Variants in NRG3 observed in about 807,000 individuals in gnomAD.
NRG3 encodes the protein pro-neuregulin-3, membrane-bound isoform.
A neutral mutation model predicts 66.9 loss-of-function variants in NRG3; 31 were observed. That is an observed-to-expected ratio of 0.46 (90% confidence interval 0.35 to 0.63). The LOEUF (loss-of-function observed/expected upper bound fraction) is 0.63. Among genes scored for constraint, NRG3 ranks in the 20% least tolerant of loss-of-function variants. NRG3 has a pLI of 0.00. For missense variants in NRG3, 910 were observed against 878.9 expected (o/e 1.04, Z -0.45); for synonymous variants, 393 against 359.4 (o/e 1.09, Z -1.06).
chr10:82,230,425 C>T (rs535267967), intron 1 of NRG3: 68 of 152,198 alleles, frequency 4.5e-4, no homozygotes, highest in African/African-American at 1.6e-3. Flanking sequence ...AGTAACATTC[C>T]ACATTAGGAA....
intron 1 of NRG3, among the ~76,000 whole-genome samples, chr10:81,930,996 C>G (rs943013711): frequency 1.1e-4 from 17 of 152,146 alleles, no homozygotes; most frequent in African/African-American, 3.9e-4. Flanking sequence ...ATTGTTCAAG[C>G]TGGTTAAACT....
intron 1 of NRG3, among the ~76,000 whole-genome samples, chr10:82,055,730 G>A (rs1412861690): frequency 3.9e-5 from 6 of 152,110 alleles, no homozygotes; most frequent in Admixed American, 2.6e-4. Context: ...TTTGTAAAGC[G>A]ATGAAAAATT....
intron 2 of NRG3, among the ~76,000 whole-genome samples, chr10:82,636,720 T>A (rs957613516): frequency 6.6e-5 from 10 of 152,156 alleles, no homozygotes; most frequent in Non-Finnish European, 1.0e-4. Context: ...CATGGAGATA[T>A]CTTTATGAGG....
rs1259297077 is a variant in NRG3, at chr10:82,238,911, C to CATATATATATATATATATAT, written c.824-119828_824-119827insATATATATATATATATATAT. On this transcript the variant is annotated intron_variant, in intron 1 of 8. Coordinates refer to ENST00000372141, the MANE Select transcript of NRG3 (RefSeq NM_001010848.4). ...TTAGTGCATTATTTTTAGGTTATAC[C>CATATATATATATATATATAT]GTATATATATATATATAATATTTAT... Among the ~76,000 whole-genome samples, 177 of 87,888 alleles carry CATATATATATATATATATAT rather than the reference C, an allele frequency of 2.0e-3. 1 individual carries two copies. Among genetic ancestry groups the CATATATATATATATATATAT allele is most frequent in the African/African-American group, 7.5e-3 (173 of 22,940 alleles). The allele number at this position is 87,888 out of a possible 152,430, so 57.7% of individuals were successfully genotyped here. A position where few individuals can be genotyped will look rare whatever the true frequency, so the allele number is the denominator to read the frequency against.
chr10:82,673,420 A>G (rs2053443372), intron 2 of NRG3, among the ~76,000 whole-genome samples: 1 of 152,226 alleles, frequency 6.6e-6, no homozygotes, highest in Non-Finnish European at 1.5e-5. Flanking sequence ...ATTTATATCA[A>G]TTAGCCTATA....
chr10:82,280,438 C>T (rs976102972), intron 1 of NRG3, among the ~76,000 whole-genome samples: 14 of 152,092 alleles, frequency 9.2e-5, no homozygotes, highest in African/African-American at 3.4e-4. Context: ...AAGACTTTGT[C>T]CTAAATGCTT....
rs1018213444 is a variant in NRG3, at chr10:82,865,328, A to G, written c.1028-83A>G. Reference sequence around the variant, plus strand: ...CTTGCCTTGGAGGGTTAGTCTTATGAGCACTGATTTCCATGTATAGAGCTT... The same window carrying G: ...CTTGCCTTGGAGGGTTAGTCTTATGGGCACTGATTTCCATGTATAGAGCTT... On this transcript the variant is annotated intron_variant, in intron 3 of 8. Coordinates refer to ENST00000372141, the MANE Select transcript of NRG3 (RefSeq NM_001010848.4). 7.0e-5 allele frequency: 100 copies of G among 1,418,442 alleles called. No individual in the cohort carries two copies. The Middle Eastern group carries it at 7.1e-4, about 10-fold the overall frequency. The allele number at this position is 1,418,442 out of a possible 1,614,324, so 87.9% of individuals were successfully genotyped here.
chr10:82,425,687 C>T (rs2136275517), intron 2 of NRG3, among the ~76,000 whole-genome samples: 1 of 152,172 alleles, frequency 6.6e-6, no homozygotes, highest in South Asian at 2.1e-4. Flanking sequence ...GAACTGAGAA[C>T]ATTAGTCTTT....
intron 2 of NRG3, among the ~76,000 whole-genome samples, chr10:82,598,612 G>A (rs1195380352): frequency 6.6e-6 from 1 of 152,210 alleles, no homozygotes; most frequent in Non-Finnish European, 1.5e-5. Flanking sequence ...AGGGATAGAA[G>A]GATGGAGTGA....
chr10:82,507,267 C>T (rs1349228061), intron 2 of NRG3, among the ~76,000 whole-genome samples: 1 of 152,160 alleles, frequency 6.6e-6, no homozygotes, highest in African/African-American at 2.4e-5. Context: ...CAGTGTAAAG[C>T]TCCATGCCTG....
chr10:82,247,535 T>C (rs1280726747), intron 1 of NRG3, among the ~76,000 whole-genome samples: 1 of 152,142 alleles, frequency 6.6e-6, no homozygotes, highest in Non-Finnish European at 1.5e-5. Flanking sequence ...TTTCAACATA[T>C]GGGTTTGGAG....
chr10:82,441,018 A>G (rs1047224120), intron 2 of NRG3, among the ~76,000 whole-genome samples: 16 of 152,254 alleles, frequency 1.1e-4, no homozygotes, highest in African/African-American at 3.9e-4. Context: ...ATATAAATAC[A>G]TAACAAATCC....
intron 1 of NRG3, among the ~76,000 whole-genome samples, chr10:82,219,236 C>T (rs1285438650): frequency 1.4e-5 from 2 of 146,852 alleles, no homozygotes; most frequent in Non-Finnish European, 3.0e-5. Context: ...TGGGTGTGGG[C>T]CGCCCTGGCA....
intron 1 of NRG3, among the ~76,000 whole-genome samples, chr10:82,247,416 G>T (rs928834526): frequency 6.6e-6 from 1 of 152,076 alleles, no homozygotes; most frequent in African/African-American, 2.4e-5. Flanking sequence ...GAGAGCTCTT[G>T]GGGGTTCCTT....
At chr10:82,514,006 A>G (rs969397386) in intron 2 of NRG3, among the ~76,000 whole-genome samples, 1 of 151,990 alleles carries the variant, frequency 6.6e-6, no homozygotes, top group African/African-American at 2.4e-5. Flanking sequence ...GTGTCTGTTC[A>G]TGTCCTTTGC....
At position 82,429,440 on chromosome 10, in the gene NRG3, A is replaced by G. The variant is rs188995101; in HGVS notation, c.953+70572A>G. On this transcript the variant is annotated intron_variant, in intron 2 of 8. Transcript: ENST00000372141. Reference sequence around the variant, plus strand: ...TAGTCTTTTTCTTTTGGTGCTTTGAATATGTCATCCCATTGCCTTCTGGAC... The same window carrying G: ...TAGTCTTTTTCTTTTGGTGCTTTGAGTATGTCATCCCATTGCCTTCTGGAC... Among the ~76,000 whole-genome samples, 424 of 152,174 alleles carry G rather than the reference A, an allele frequency of 2.8e-3. 1 individual carries two copies. Among genetic ancestry groups the G allele is most frequent in the Admixed American group, 5.1e-3 (78 of 15,282 alleles).
At position 82,553,628 on chromosome 10, in the gene NRG3, G is replaced by A. The variant is rs150777415; in HGVS notation, c.954-184949G>A. 2.4e-4 allele frequency among the ~76,000 whole-genome samples: 36 copies of A among 152,190 alleles called. No homozygotes were observed. The East Asian group carries it at 5.8e-3, about 25-fold the overall frequency. On this transcript the variant is annotated intron_variant, in intron 2 of 8. Transcript: ENST00000372141. The stretch of plus-strand genomic sequence containing the variant: ...TAGAAGTGCCTTCATAGCTGAATGC[G>A]AAAGAATCCATGGACACTTATTTGT...
chr10:82,194,263 A>T (rs891113281), intron 1 of NRG3, among the ~76,000 whole-genome samples: 4 of 152,094 alleles, frequency 2.6e-5, no homozygotes, highest in Non-Finnish European at 4.4e-5. Context: ...GCATGCACAG[A>T]TGATTTTTGG....
At chr10:82,804,700 G>T (rs2061203795) in intron 3 of NRG3, among the ~76,000 whole-genome samples, 1 of 152,180 alleles carries the variant, frequency 6.6e-6, no homozygotes, top group African/African-American at 2.4e-5. Context: ...ATAAGTGCCA[G>T]TGACTCTTCT....
Sources: gnomAD v4.1 joint callset for allele counts (sites outside exome capture counted in the v4.1 genomes callset) on GRCh38, gnomAD v4.1.1 for gene constraint, MANE v1.5 for transcripts, NCBI Gene and HGNC (gene_info 2026-07-23, HGNC 2026-07-21) for gene names.